EP300: variants seen among roughly 807,000 people sequenced by gnomAD.
The protein encoded by EP300 is histone acetyltransferase p300.
EP300 carries 31 observed loss-of-function variants against 264.0 expected under a neutral mutation model. The observed-to-expected ratio is 0.12, with a 90% CI of 0.09 to 0.16. The LOEUF (loss-of-function observed/expected upper bound fraction) is 0.16. EP300 is among the 10% of genes least tolerant of loss of function. The pLI is 1.00. For synonymous variants in EP300, 1,340 were observed against 1,045.4 expected (o/e 1.28, Z -5.44); for missense variants, 2,766 against 3,052.9 (o/e 0.91, Z 2.21).
chr22:41,126,583 TTGTC>T (rs2058883782), intron 3 of EP300, among the ~76,000 whole-genome samples: 1 of 152,092 alleles, frequency 6.6e-6, no homozygotes, highest in African/African-American at 2.4e-5. Context: ...TGGAAAAACA[TTGTC>T]TGAAAAAATC....
At chr22:41,096,003 C>T (rs1056629244) in intron 1 of EP300, among the ~76,000 whole-genome samples, 19 of 152,122 alleles carry the variant, frequency 1.2e-4, no homozygotes, top group African/African-American at 4.6e-4. Context: ...TCAACTTTTA[C>T]GTGTTGGGAT....
At position 41,092,991 on chromosome 22, in the gene EP300, C is replaced by T. The variant is rs1267208767; in HGVS notation, c.-14C>T. Reference sequence around the variant, plus strand: ...TTCTGGTTTTCCTCGCTTGTATCTCCGAAAGAATTAAAAATGGCCGAGAAT... The same window carrying T: ...TTCTGGTTTTCCTCGCTTGTATCTCTGAAAGAATTAAAAATGGCCGAGAAT... On this transcript the variant is annotated 5_prime_UTR_variant, in exon 1 of 31. Transcript: ENST00000263253. The T allele has an allele frequency of 6.2e-7, 1 of 1,613,964 alleles. No individual in the cohort carries two copies. Among genetic ancestry groups the T allele is most frequent in the Non-Finnish European group, 8.5e-7 (1 of 1,179,894 alleles).
In EP300 at chr22:41,178,326, G is replaced by A; in HGVS notation, c.6615G>A (p.Met2205Ile). Reference protein sequence around the residue: ...QGAGPGIGPGMANHNQFQQPQ... With the variant: ...QGAGPGIGPGIANHNQFQQPQ... ...CAGGGCCAGGAATAGGCCCTGGAAT[G>A]GCCAACCATAACCAGTTCCAGCAAC... Residue 2205 changes from methionine to isoleucine, a missense_variant, in exon 31 of 31, where the codon ATG (methionine) becomes ATA (isoleucine). Physicochemically the swap from Met to Ile is conservative, Grantham distance 10 (BLOSUM62 1). Transcript: ENST00000263253. The A allele has an allele frequency of 1.2e-6, 2 of 1,614,124 alleles. No homozygotes were observed. Among genetic ancestry groups the A allele is most frequent in the Middle Eastern group, 1.6e-4 (1 of 6,062 alleles).
intron 7 of EP300, 69 bp downstream of exon 7, chr22:41,135,975 A>AAC: frequency 8.4e-7 from 1 of 1,192,800 alleles, no homozygotes; most frequent in Non-Finnish European, 1.3e-6. Context: ...TCATTGTTTG[A>AAC]CTTTTGAACT....
intron 2 of EP300, among the ~76,000 whole-genome samples, chr22:41,123,358 T>TGTAC (rs946378823): frequency 5.3e-5 from 8 of 151,976 alleles, no homozygotes; most frequent in African/African-American, 1.9e-4. Context: ...ACAGGAAATA[T>TGTAC]ATAAGATACC....
chr22:41,109,264 A>AC lies in EP300; in HGVS notation c.95-7923_95-7922insC, dbSNP rs1555904487. ...GCAAGACCCTGTCTCAAAAAAAAAA[A>AC]AAAACAAAAAAAAACGGAAAACATA... On this transcript the variant is annotated intron_variant, in intron 1 of 30. Coordinates refer to ENST00000263253, the MANE Select transcript of EP300 (RefSeq NM_001429.4). Among the ~76,000 whole-genome samples, 234 of 151,808 alleles carry AC rather than the reference A, an allele frequency of 1.5e-3. 2 individuals are homozygous for AC. The Middle Eastern group carries it at 0.034, about 22-fold the overall frequency.
chr22:41,114,660 A>G (rs1220542541), intron 1 of EP300, among the ~76,000 whole-genome samples: 2 of 152,212 alleles, frequency 1.3e-5, no homozygotes, highest in African/African-American at 4.8e-5. Flanking sequence ...CCAGTAGGCA[A>G]GGAGCTGGTA....
rs756496226 is a variant in EP300, at chr22:41,178,610, C to T, written c.6899C>T (p.Pro2300Leu). The T allele has an allele frequency of 1.9e-6, 3 of 1,613,938 alleles. No homozygotes were observed. The highest frequency in any genetic ancestry group is 2.2e-5 in the East Asian group (1 of 44,898). ...CCACACCTACAAGGCCAGCAGATCC[C>T]TAATTCTCTCTCCAATCAAGTGCGC... Reference protein sequence around the residue: ...QSPHLQGQQIPNSLSNQVRSP... With the variant: ...QSPHLQGQQILNSLSNQVRSP... Residue 2300 changes from proline (P) to leucine (L), a missense_variant, in exon 31 of 31, where the codon CCT becomes CTT. Coordinates refer to ENST00000263253, the MANE Select transcript of EP300 (RefSeq NM_001429.4).
intron 27 of EP300, among the ~76,000 whole-genome samples, 186 bp from the exon 28 acceptor site, chr22:41,172,313 T>C (rs572362028): frequency 6.6e-6 from 1 of 152,316 alleles, no homozygotes; most frequent in East Asian, 1.9e-4. Context: ...AAATATTGAC[T>C]TTAGGCCAGG....
intron 1 of EP300, among the ~76,000 whole-genome samples, chr22:41,116,264 C>T (rs1211881610): frequency 4.0e-5 from 6 of 151,808 alleles, no homozygotes; most frequent in South Asian, 2.1e-4. Flanking sequence ...ATGTGCAGAA[C>T]GTGCAGGTTT....
In EP300 at chr22:41,125,922, A is replaced by G. The variant is rs144192540; in HGVS notation, c.788A>G (p.Gln263Arg). 1.9e-6 allele frequency: 3 copies of G among 1,614,230 alleles called. No homozygotes were observed. Among genetic ancestry groups the G allele is most frequent in the Admixed American group, 1.7e-5 (1 of 60,030 alleles). Reference sequence around the variant, plus strand: ...TCACCATATACTCAGAATCCTGGACAGCAGATTGGAGCCAGTGGCCTTGGT... The same window carrying G: ...TCACCATATACTCAGAATCCTGGACGGCAGATTGGAGCCAGTGGCCTTGGT... ...YGSPYTQNPG[Q>R]QIGASGLGLQ... is the part of the protein sequence containing the mutation. The change falls in exon 3 of 31, where the codon CAG (glutamine) becomes CGG (arginine). Residue 263 changes from glutamine to arginine, a missense_variant. Physicochemically the swap from Gln to Arg is conservative, Grantham distance 43. Coordinates refer to ENST00000263253, the MANE Select transcript of EP300 (RefSeq NM_001429.4).
intron 1 of EP300, among the ~76,000 whole-genome samples, chr22:41,113,157 A>ACCC (rs10529110): frequency 0.064 from 5,911 of 92,124 alleles, 668 homozygotes; most frequent in African/African-American, 0.084. Context: ...TCAGGATTCC[A>ACCC]CCCCCCCCCC....
At chr22:41,121,763 C>T (rs2058853252) in intron 2 of EP300, among the ~76,000 whole-genome samples, 1 of 152,164 alleles carries the variant, frequency 6.6e-6, no homozygotes, top group African/African-American at 2.4e-5. Context: ...CATTTATTAA[C>T]AAGAGACAAC....
chr22:41,171,052 A>G (rs566000631), intron 27 of EP300, among the ~76,000 whole-genome samples: 3 of 146,422 alleles, frequency 2.0e-5, no homozygotes, highest in East Asian at 2.0e-4. Context: ...TTTATTTTGT[A>G]TATTCAAAAT....
intron 2 of EP300, among the ~76,000 whole-genome samples, chr22:41,124,984 C>T (rs2058872644): frequency 6.6e-6 from 1 of 152,032 alleles, no homozygotes; most frequent in Non-Finnish European, 1.5e-5. Context: ...GTTGCCGAGG[C>T]TGGAGTGCAG....
intron 14 of EP300, among the ~76,000 whole-genome samples, chr22:41,151,098 T>C (rs1402595226): frequency 2.0e-5 from 3 of 152,092 alleles, no homozygotes; most frequent in Non-Finnish European, 4.4e-5. Flanking sequence ...TCTACTTTGA[T>C]ACCGATATTA....
intron 1 of EP300, 94 bp from the exon 2 acceptor site, chr22:41,117,093 A>C: frequency 9.0e-7 from 1 of 1,105,724 alleles, no homozygotes; most frequent in South Asian, 1.3e-5. Flanking sequence ...TGAGGTTGGG[A>C]AATGACATTT....
At chr22:41,150,237 T>C in intron 14 of EP300, 39 bp downstream of exon 14, 1 of 1,551,160 alleles carries the variant, frequency 6.4e-7, no homozygotes, top group Non-Finnish European at 8.7e-7. Context: ...TCATTAGAGC[T>C]ATACTGTAGT....
In EP300 at chr22:41,179,879, CTCACACACACACACACACA is replaced by C. The variant is rs1569124064; in HGVS notation, c.*924_*942del. 4.1e-4 allele frequency: 58 copies of C among 140,424 alleles called. 1 individual carries two copies. The highest frequency in any genetic ancestry group is 1.5e-3 in the South Asian group (4 of 2,594). The allele number at this position is 140,424 out of a possible 1,614,324, so 8.7% of individuals were successfully genotyped here. On this transcript the variant is annotated 3_prime_UTR_variant, in exon 31 of 31. Coordinates refer to ENST00000263253, the MANE Select transcript of EP300 (RefSeq NM_001429.4). ...TTCTTCCTCCTTACCCTACCCCCCA[CTCACACACACACACACACA>C]CACACACACACACACACACACACAC...
Sources: allele counts gnomAD v4.1 joint callset (sites outside exome capture counted in the v4.1 genomes callset), GRCh38; gene constraint gnomAD v4.1.1; transcripts MANE v1.5; gene names NCBI Gene and HGNC (gene_info 2026-07-23, HGNC 2026-07-21).